CEP164: variants seen among roughly 807,000 people sequenced by gnomAD.
CEP164 encodes the protein centrosomal protein of 164 kDa.
A neutral mutation model predicts 182.7 loss-of-function variants in CEP164; 162 were observed. The observed-to-expected ratio is 0.89, with a 90% CI of 0.78 to 1.01. The LOEUF (loss-of-function observed/expected upper bound fraction) is 1.01, where lower values mean the gene tolerates loss of function less well. Among genes scored for constraint, CEP164 ranks in the 50% least tolerant of loss-of-function variants. The pLI is 0.00. For missense variants in CEP164, 1,735 were observed against 1,790.4 expected (o/e 0.97, Z 0.56); for synonymous variants, 661 against 690.0 (o/e 0.96, Z 0.66).
intron 27 of CEP164, among the ~76,000 whole-genome samples, chr11:117,404,312 T>A (rs775929705): frequency 6.6e-6 from 1 of 152,234 alleles, no homozygotes; most frequent in East Asian, 1.9e-4. Flanking sequence ...TGGTCTTTGA[T>A]GTTGGTGACC....
In CEP164 at chr11:117,411,165, C is replaced by T. The variant is rs894529801; in HGVS notation, c.4163+271C>T. 7.0e-6 allele frequency: 3 copies of T among 426,706 alleles called. No individual in the cohort carries two copies. Among genetic ancestry groups the T allele is most frequent in the African/African-American group, 5.9e-5 (3 of 50,496 alleles). The allele number at this position is 426,706 out of a possible 1,614,324, so 26.4% of individuals were successfully genotyped here. A position where few individuals can be genotyped will look rare whatever the true frequency, so the allele number is the denominator to read the frequency against. Reference sequence around the variant, plus strand: ...CCCCTGAGGAAGCTGCCCTCTGGCCCCTGTGGGGAGGAGTCAGCCCCTGGT... The same window carrying T: ...CCCCTGAGGAAGCTGCCCTCTGGCCTCTGTGGGGAGGAGTCAGCCCCTGGT... On this transcript the variant is annotated intron_variant, in intron 31 of 32. Transcript: ENST00000278935. The surrounding 1 kb of genome is among the most constrained non-coding windows in gnomAD (Gnocchi z 4.4).
intron 27 of CEP164, among the ~76,000 whole-genome samples, chr11:117,402,356 G>A (rs1295728615): frequency 2.0e-5 from 3 of 152,072 alleles, no homozygotes; most frequent in African/African-American, 7.2e-5. Context: ...GAGTAGCTGG[G>A]ATTACAGGTG....
intron 18 of CEP164, 74 bp downstream of exon 18, chr11:117,392,377 C>T (rs1400165704): frequency 1.2e-5 from 18 of 1,563,632 alleles, no homozygotes; most frequent in Middle Eastern, 3.4e-4. Flanking sequence ...TACTAGGCAG[C>T]GAGCCTCTCT....
intron 1 of CEP164, among the ~76,000 whole-genome samples, chr11:117,322,412 C>G (rs1226829167): frequency 1.3e-5 from 2 of 152,172 alleles, no homozygotes; most frequent in Admixed American, 6.6e-5. Flanking sequence ...CCGCGCCCGG[C>G]CCACATTATG....
At chr11:117,377,976 C>T (rs1314722830) in intron 11 of CEP164, among the ~76,000 whole-genome samples, 1 of 152,014 alleles carries the variant, frequency 6.6e-6, no homozygotes, top group Admixed American at 6.6e-5. Context: ...TCTCCTGTCT[C>T]AGCCTCCCCA....
intron 25 of CEP164, 84 bp from the exon 26 acceptor site, chr11:117,396,466 C>T: frequency 2.7e-6 from 3 of 1,123,960 alleles, no homozygotes; most frequent in African/African-American, 1.5e-5. Context: ...TTGTCTAGAC[C>T]ACTGGGAGGG....
chr11:117,376,406 G>A (rs1043581824), intron 11 of CEP164, among the ~76,000 whole-genome samples: 2 of 152,224 alleles, frequency 1.3e-5, no homozygotes, highest in Non-Finnish European at 2.9e-5. Context: ...TGACCCATGT[G>A]TGGTACAAAG....
intron 23 of CEP164, 115 bp downstream of exon 23, chr11:117,395,306 C>G (rs752805915): frequency 7.6e-7 from 1 of 1,312,754 alleles, no homozygotes; most frequent in Non-Finnish European, 1.1e-6. Context: ...GTTCCAAACT[C>G]TGTTGGCCAG....
intron 5 of CEP164, chr11:117,355,085 C>CCT (rs1234007786): frequency 7.8e-7 from 1 of 1,289,798 alleles, no homozygotes; most frequent in Admixed American, 2.3e-5. Context: ...CCCAGGCATG[C>CCT]TGGGTGACAC....
intron 8 of CEP164, 125 bp downstream of exon 8, chr11:117,363,631 G>A: frequency 1.6e-6 from 1 of 636,634 alleles, no homozygotes; most frequent in South Asian, 2.3e-5. Context: ...AGTCCTTCCA[G>A]ATGAGATTTC....
At chr11:117,365,355 G>C (rs545925106) in intron 8 of CEP164, among the ~76,000 whole-genome samples, 4 of 152,230 alleles carry the variant, frequency 2.6e-5, no homozygotes, top group Non-Finnish European at 5.9e-5. Context: ...GGGACAGAGA[G>C]AGTGTCCAGG....
intron 8 of CEP164, among the ~76,000 whole-genome samples, chr11:117,368,189 C>A (rs2041852960): frequency 6.6e-6 from 1 of 152,148 alleles, no homozygotes; most frequent in Non-Finnish European, 1.5e-5. Flanking sequence ...ATGGGGAAGG[C>A]TCATTTCAGG....
upstream of CEP164, among the ~76,000 whole-genome samples, chr11:117,323,055 C>T (rs766328748): frequency 2.0e-5 from 3 of 151,962 alleles, no homozygotes; most frequent in African/African-American, 7.3e-5. Context: ...TGTGAGCCAC[C>T]GCATCTGGCC....
At chr11:117,377,203 G>GT (rs1372896087) in intron 11 of CEP164, among the ~76,000 whole-genome samples, 2 of 152,170 alleles carry the variant, frequency 1.3e-5, no homozygotes, top group Non-Finnish European at 2.9e-5. Flanking sequence ...GGGGCCAGGG[G>GT]TGGGGGCATT....
Position 117,381,723 on chromosome 11 carries a change from G to A in CEP164, c.1432G>A (p.Glu478Lys), listed in dbSNP as rs1565542472. ...CAGGTTATCTCCTCCACTTCCACAC[G>A]AGGAGCGGGCCCAGAGTCCCCCTCG... is the stretch of plus-strand genomic sequence containing the variant. ...EERLSPPLPH[E>K]ERAQSPPRSL... The change falls in exon 13 of 33, where the codon GAG becomes AAG. Residue 478 changes from glutamate to lysine, a missense_variant. Glu to Lys is a moderately conservative substitution (Grantham distance 56). Transcript: ENST00000278935. 2 of 1,610,208 alleles carry A rather than the reference G, an allele frequency of 1.2e-6. No homozygotes were observed. The highest frequency in any genetic ancestry group is 1.1e-5 in the South Asian group (1 of 90,086).
In CEP164 at chr11:117,396,079, A is replaced by C. The variant is rs964517118; in HGVS notation, c.3115A>C (p.Lys1039Gln). The C allele has an allele frequency of 6.2e-7, 1 of 1,613,986 alleles. No homozygotes were observed. The highest frequency in any genetic ancestry group is 8.5e-7 in the Non-Finnish European group (1 of 1,180,034). Residue 1039 changes from lysine (K) to glutamine (Q), a missense_variant, in exon 25 of 33, where the codon AAG (lysine) becomes CAG (glutamine). Physicochemically the swap from Lys to Gln is moderately conservative, Grantham distance 53 (BLOSUM62 1). Coordinates refer to ENST00000278935, the MANE Select transcript of CEP164 (RefSeq NM_014956.5). ...CAGCCTGGAGGCTGAAGCTCAAAAG[A>C]AGCAGCACCTGTTGAGAGAAGTGAC... ...FSSLEAEAQK[K>Q]QHLLREVTVE... is the part of the protein sequence containing the mutation.
chr11:117,407,968 G>T lies in CEP164; in HGVS notation c.3545G>T (p.Gly1182Val). Reference sequence around the variant, plus strand: ...GAGATGAAGTCGGCCATGCGGAAAGGCCACAACCTGCTGAAGAAGAAAGAG... The same window carrying T: ...GAGATGAAGTCGGCCATGCGGAAAGTCCACAACCTGCTGAAGAAGAAAGAG... ...LDEMKSAMRK[G>V]HNLLKKKEEK... Residue 1182 changes from glycine (G) to valine (V), a missense_variant, in exon 28 of 33, where the codon GGC becomes GTC. Coordinates refer to ENST00000278935, the MANE Select transcript of CEP164 (RefSeq NM_014956.5). 1.2e-6 allele frequency: 2 copies of T among 1,602,414 alleles called. No individual in the cohort carries two copies. The highest frequency in any genetic ancestry group is 1.7e-6 in the Non-Finnish European group (2 of 1,174,588).
At chr11:117,410,377 A>G in intron 30 of CEP164, 1 of 298,836 alleles carries the variant, frequency 3.3e-6, no homozygotes, top group South Asian at 4.1e-5. Context: ...GGTAGTAATT[A>G]TTTATCCCCA....
intron 15 of CEP164, among the ~76,000 whole-genome samples, chr11:117,387,977 C>T (rs2044147630): frequency 6.6e-6 from 1 of 152,220 alleles, no homozygotes; most frequent in Non-Finnish European, 1.5e-5. Flanking sequence ...TAGGGTCTGT[C>T]CTTATATCAC....
Sources: allele counts gnomAD v4.1 joint callset (sites outside exome capture counted in the v4.1 genomes callset), GRCh38; gene constraint gnomAD v4.1.1; non-coding constraint Gnocchi (gnomAD v3.1); transcripts MANE v1.5; gene names NCBI Gene and HGNC (gene_info 2026-07-23, HGNC 2026-07-21).